The following ARHGEF38 variants were observed in gnomAD, a reference collection of about 807,000 sequenced individuals.
ARHGEF38 encodes the protein Rho guanine nucleotide exchange factor 38, also known as Rho guanine nucleotide exchange factor (GEF) 38.
In ARHGEF38, 79 loss-of-function variants were observed where a neutral mutation model predicts 79.9. The observed-to-expected ratio is 0.99, with a 90% confidence interval of 0.82 to 1.19. The LOEUF is 1.19. Among genes scored for constraint, ARHGEF38 ranks in the 50% most tolerant of loss-of-function variants. The pLI is 0.00. For synonymous variants in ARHGEF38, 366 were observed against 328.3 expected, an observed-to-expected ratio of 1.11 and a Z score of -1.24; for missense variants, 962 against 907.2, an observed-to-expected ratio of 1.06 and a Z score of -0.78.
intron 3 of ARHGEF38, 22 bp downstream of exon 3, chr4:105,613,529 G>A (rs1728389850): frequency 6.2e-7 from 1 of 1,609,800 alleles, no homozygotes; most frequent in South Asian, 1.1e-5. Flanking sequence ...CTCTTCTCGA[G>A]TTCTACAATA....
chr4:105,582,264 T>C (rs1168096457), intron 1 of ARHGEF38, among the ~76,000 whole-genome samples: 2 of 151,894 alleles, frequency 1.3e-5, no homozygotes, highest in Admixed American at 1.3e-4. Flanking sequence ...GCTTTGTTCT[T>C]AATTTCCTTT....
At chr4:105,554,979 A>G (rs1457356679) in intron 1 of ARHGEF38, among the ~76,000 whole-genome samples, 2 of 152,236 alleles carry the variant, frequency 1.3e-5, no homozygotes, top group African/African-American at 2.4e-5. Flanking sequence ...TTCAGCATCT[A>G]TCAGAGTCTC....
intron 4 of ARHGEF38, chr4:105,631,360 G>A (rs1578329158): frequency 2.0e-6 from 2 of 1,018,556 alleles, no homozygotes; most frequent in Non-Finnish European, 2.3e-6. Flanking sequence ...CTGGCCCCAC[G>A]TAGTTCAAGG....
intron 10 of ARHGEF38, among the ~76,000 whole-genome samples, chr4:105,665,335 A>T (rs1377116642): frequency 6.6e-6 from 1 of 152,154 alleles, no homozygotes; most frequent in East Asian, 1.9e-4. Flanking sequence ...TCTACTAAAA[A>T]TACAAAAAAT....
chr4:105,589,489 T>C, intron 2 of ARHGEF38, 54 bp downstream of exon 2: 2 of 1,485,732 alleles, frequency 1.3e-6, no homozygotes, highest in Non-Finnish European at 1.8e-6. Flanking sequence ...ATAGGATCAC[T>C]AGCACCATGA....
chr4:105,561,494 A>AGAATG (rs1725605500), intron 1 of ARHGEF38: 1 of 80,778 alleles, frequency 1.2e-5, no homozygotes, highest in South Asian at 4.1e-4. Flanking sequence ...AGAATAGAAT[A>AGAATG]GAATAGAATA....
intron 1 of ARHGEF38, among the ~76,000 whole-genome samples, chr4:105,558,222 G>A (rs907177640): frequency 2.6e-5 from 4 of 152,096 alleles, no homozygotes; most frequent in Admixed American, 6.5e-5. Context: ...AGACTATGAG[G>A]GCATTTAATT....
intron 2 of ARHGEF38, among the ~76,000 whole-genome samples, chr4:105,598,380 G>C (rs1015189719): frequency 6.6e-6 from 1 of 152,084 alleles, no homozygotes; most frequent in African/African-American, 2.4e-5. Context: ...GAAAAACAGG[G>C]ATTTTGTTCA....
chr4:105,666,190 T>C lies in ARHGEF38; in HGVS notation c.1559T>C (p.Val520Ala). Residue 520 changes from valine to alanine, a missense_variant, in exon 11 of 14, where the codon GTT becomes GCT. By Grantham distance (64) the Val-to-Ala change is moderately conservative. Coordinates refer to ENST00000420470, the MANE Select transcript of ARHGEF38 (RefSeq NM_001242729.2). The part of the protein sequence containing the change: ...YSTLVPMPLL[V>A]SSISEIQNQV... ...TTCTACCTATAGATGCCACTGTTGG[T>C]TTCAAGCATTTCTGAGATTCAGAAT... The C allele has an allele frequency of 6.6e-7, 1 of 1,524,588 alleles. No individual in the cohort carries two copies. The highest frequency in any genetic ancestry group is 8.7e-7 in the Non-Finnish European group (1 of 1,143,428). 94.4% of individuals were successfully genotyped at this position (1,524,588 alleles called of 1,614,324 possible).
Position 105,648,686 on chromosome 4 carries a change from A to G in ARHGEF38, c.1008+4A>G. 2.7e-6 allele frequency: 4 copies of G among 1,504,964 alleles called. No individual in the cohort carries two copies. In the South Asian group the frequency reaches 5.1e-5, roughly 19 times the overall value. 93.2% of individuals were successfully genotyped at this position (1,504,964 alleles called of 1,614,324 possible). ...TCTGACCAGAGGAGAATCACAGGTA[A>G]TTTTTCTTCTTGGACCACCCACCTT... On this transcript the variant is annotated splice_donor_region_variant and intron_variant, in intron 7 of 13. Coordinates refer to ENST00000420470, the MANE Select transcript of ARHGEF38 (RefSeq NM_001242729.2).
intron 13 of ARHGEF38, among the ~76,000 whole-genome samples, chr4:105,670,124 T>C (rs1400913150): frequency 1.3e-5 from 2 of 152,214 alleles, no homozygotes; most frequent in Non-Finnish European, 1.5e-5. Flanking sequence ...GTTGTGGATT[T>C]TATTTCTCTT....
At chr4:105,570,899 G>T (rs905988570) in intron 1 of ARHGEF38, among the ~76,000 whole-genome samples, 7 of 152,088 alleles carry the variant, frequency 4.6e-5, no homozygotes, top group African/African-American at 1.7e-4. Context: ...ATTACATTCC[G>T]CTAACTGAAA....
chr4:105,590,246 A>G (rs543869470), intron 2 of ARHGEF38, among the ~76,000 whole-genome samples: 1 of 152,290 alleles, frequency 6.6e-6, no homozygotes, highest in South Asian at 2.1e-4. Flanking sequence ...GACATTGAGC[A>G]GAGAACTGAA....
At chr4:105,674,297 A>G (rs950735766) in intron 13 of ARHGEF38, among the ~76,000 whole-genome samples, 2 of 152,148 alleles carry the variant, frequency 1.3e-5, no homozygotes, top group Non-Finnish European at 2.9e-5. Flanking sequence ...AGCTTTATAG[A>G]GTAGAAAGAA....
chr4:105,603,091 C>A (rs1271273902), intron 2 of ARHGEF38, among the ~76,000 whole-genome samples: 1 of 152,110 alleles, frequency 6.6e-6, no homozygotes, highest in East Asian at 1.9e-4. Flanking sequence ...TTGGGAACTG[C>A]CTTTAGCAGC....
intron 4 of ARHGEF38, among the ~76,000 whole-genome samples, chr4:105,633,523 C>A (rs1729277982): frequency 6.6e-6 from 1 of 152,118 alleles, no homozygotes; most frequent in African/African-American, 2.4e-5. Context: ...AGTGCAGTTG[C>A]CAATTTCTAA....
intron 13 of ARHGEF38, among the ~76,000 whole-genome samples, chr4:105,672,534 T>C (rs1286232210): frequency 6.6e-6 from 1 of 152,236 alleles, no homozygotes; most frequent in Non-Finnish European, 1.5e-5. Context: ...TGCCTTCCCA[T>C]TCTAATGTAT....
At chr4:105,646,753 A>T (rs1241581861) in intron 6 of ARHGEF38, among the ~76,000 whole-genome samples, 2 of 152,228 alleles carry the variant, frequency 1.3e-5, no homozygotes, top group East Asian at 3.8e-4. Context: ...ATACACTACA[A>T]TACCACAAGA....
At chr4:105,634,679 G>T (rs183819114) in intron 4 of ARHGEF38, among the ~76,000 whole-genome samples, 1 of 151,894 alleles carries the variant, frequency 6.6e-6, no homozygotes, top group East Asian at 1.9e-4. Context: ...AGGCCCCAGA[G>T]ATCTGTTTAT....
Sources: allele counts gnomAD v4.1 joint callset (sites outside exome capture counted in the v4.1 genomes callset), GRCh38; gene constraint gnomAD v4.1.1; transcripts MANE v1.5; gene names NCBI Gene and HGNC (gene_info 2026-07-23, HGNC 2026-07-21).